The following ARHGEF10 variants were observed in gnomAD, a reference collection of about 807,000 sequenced individuals.
The protein encoded by ARHGEF10 is Rho guanine nucleotide exchange factor 10, also known as Rho guanine nucleotide exchange factor (GEF) 10.
ARHGEF10 carries 140 observed loss-of-function variants against 147.4 expected under a neutral mutation model. That is an observed-to-expected ratio of 0.95 (90% CI 0.83 to 1.09). The LOEUF is 1.09. Ranked by LOEUF, ARHGEF10 falls within the 50% of genes least tolerant of loss-of-function variation. The pLI is 0.00. For synonymous variants in ARHGEF10, 902 were observed against 695.8 expected (o/e 1.30, Z -4.67); for missense variants, 2,222 against 1,752.7 (o/e 1.27, Z -4.78).
At chr8:1,869,145 C>G in intron 6 of ARHGEF10, 49 bp from the exon 7 acceptor site, 5 of 1,533,364 alleles carry the variant, frequency 3.3e-6, no homozygotes, top group Non-Finnish European at 4.5e-6. Context: ...TTAAATTGCA[C>G]TAGGTTTTGT....
intron 4 of ARHGEF10, 105 bp downstream of exon 4, chr8:1,860,289 G>C (rs1321957945): frequency 6.7e-7 from 1 of 1,500,550 alleles, no homozygotes; most frequent in Non-Finnish European, 9.1e-7. Context: ...CCCGGATGTG[G>C]CCTGTGGTTC....
At position 1,923,615 on chromosome 8, in the gene ARHGEF10, CG is replaced by C. The variant is rs1812462981; in HGVS notation, c.2387+21del. 1.2e-6 allele frequency: 2 copies of C among 1,614,018 alleles called. No individual in the cohort carries two copies. The highest frequency in any genetic ancestry group is 2.7e-5 in the African/African-American group (2 of 74,920). On this transcript the variant is annotated intron_variant, in intron 20 of 28. Coordinates refer to ENST00000349830, the MANE Select transcript of ARHGEF10 (RefSeq NM_014629.4). ...GGACAAGTTAGTAGTAGCTTTAAAACGAAACCTTCTTGGCCAATGCTGGGGA... is the reference window on the plus strand; with the variant it reads ...GGACAAGTTAGTAGTAGCTTTAAAACAAACCTTCTTGGCCAATGCTGGGGA...
At chr8:1,916,100 C>T (rs13257421) in intron 18 of ARHGEF10, among the ~76,000 whole-genome samples, 4,284 of 152,320 alleles carry the variant, frequency 0.028, 94 homozygotes, top group Non-Finnish European at 0.042. Flanking sequence ...GAGAAGACTC[C>T]CTCAGGAAAG....
intron 1 of ARHGEF10, among the ~76,000 whole-genome samples, chr8:1,834,076 C>G (rs1803434680): frequency 6.6e-6 from 1 of 152,206 alleles, no homozygotes. Context: ...ACGCAGCTGT[C>G]TGGACACCAC....
At chr8:1,863,634 G>A (rs1346181210) in intron 4 of ARHGEF10, among the ~76,000 whole-genome samples, 7 of 152,144 alleles carry the variant, frequency 4.6e-5, no homozygotes, top group Non-Finnish European at 4.4e-5. Context: ...ACAGACTCTG[G>A]CTGGCTTCTG....
chr8:1,953,448 A>G (rs17683365), intron 28 of ARHGEF10, among the ~76,000 whole-genome samples: 46,823 of 152,206 alleles, frequency 0.31, 8,047 homozygotes, highest in East Asian at 0.58. Flanking sequence ...TGCTATTGCA[A>G]TGTCAGTAAG....
At chr8:1,910,806 G>A (rs1363569557) in intron 18 of ARHGEF10, among the ~76,000 whole-genome samples, 2 of 152,122 alleles carry the variant, frequency 1.3e-5, no homozygotes, top group African/African-American at 4.8e-5. Context: ...ATTTTATAAT[G>A]CTAGCAATCT....
Position 1,864,428 on chromosome 8 carries a change from T to G in ARHGEF10, c.537T>G (p.Pro179=), listed in dbSNP as rs1321374841. 1.2e-6 allele frequency: 2 copies of G among 1,613,990 alleles called. No individual in the cohort carries two copies. Among genetic ancestry groups the G allele is most frequent in the Non-Finnish European group, 1.7e-6 (2 of 1,179,868 alleles). ...RQPNSLSSEE[P]PTSEDQVGRE... ...CCAATTCTCTGAGTTCCGAGGAGCC[T>G]CCAACCAGGTATCTGCATCCGTCTT... The change falls in exon 5 of 29, where the codon CCT becomes CCG. Residue 179 remains proline, a synonymous_variant. Transcript: ENST00000349830.
chr8:1,950,236 C>G (rs963964181), intron 27 of ARHGEF10, among the ~76,000 whole-genome samples: 1 of 152,228 alleles, frequency 6.6e-6, no homozygotes, highest in Non-Finnish European at 1.5e-5. Context: ...CTGGGACACG[C>G]CCTGCTGTCC....
At chr8:1,887,790 T>G (rs1808817769) in intron 11 of ARHGEF10, among the ~76,000 whole-genome samples, 2 of 114,676 alleles carry the variant, frequency 1.7e-5, no homozygotes, top group South Asian at 3.0e-4. Context: ...AGACAGTGAG[T>G]GGAGTAAGGG....
At chr8:1,882,469 T>C (rs931029961) in intron 9 of ARHGEF10, among the ~76,000 whole-genome samples, 166 bp from the exon 10 acceptor site, 1 of 152,140 alleles carries the variant, frequency 6.6e-6, no homozygotes, top group Non-Finnish European at 1.5e-5. Context: ...TGTTTTTTCC[T>C]TTTTTCCAAC....
intron 27 of ARHGEF10, among the ~76,000 whole-genome samples, chr8:1,946,277 C>T (rs913204018): frequency 6.6e-6 from 1 of 152,204 alleles, no homozygotes; most frequent in African/African-American, 2.4e-5. Flanking sequence ...TCTTTGCCTG[C>T]TGGTGGGTAT....
chr8:1,938,597 T>G (rs1813813974), intron 26 of ARHGEF10, among the ~76,000 whole-genome samples: 1 of 152,158 alleles, frequency 6.6e-6, no homozygotes, highest in Non-Finnish European at 1.5e-5. Flanking sequence ...TTTTTTCTCA[T>G]AGGAAGTTAA....
chr8:1,929,676 C>T (rs998544783), intron 25 of ARHGEF10, among the ~76,000 whole-genome samples: 14 of 152,354 alleles, frequency 9.2e-5, no homozygotes, highest in Admixed American at 9.1e-4. Context: ...CTCCCACCCT[C>T]CCACTTCTCT....
intron 22 of ARHGEF10, among the ~76,000 whole-genome samples, chr8:1,925,972 C>A (rs964763970): frequency 6.6e-6 from 1 of 152,188 alleles, no homozygotes; most frequent in African/African-American, 2.4e-5. Context: ...GCTCCCCTGA[C>A]CCCTCCTGTT....
intron 18 of ARHGEF10, among the ~76,000 whole-genome samples, chr8:1,919,028 G>C (rs938541221): frequency 6.6e-6 from 1 of 150,914 alleles, no homozygotes; most frequent in African/African-American, 2.4e-5. Flanking sequence ...TGTGGATATG[G>C]AGCTGTTCTG....
rs546195415 is a variant in ARHGEF10 at position 1,948,157 on chromosome 8, C to T, written c.3397+2502C>T. Among the ~76,000 whole-genome samples the T allele has an allele frequency of 4.6e-5, 7 of 152,234 alleles. No individual in the cohort carries two copies. Among genetic ancestry groups the T allele is most frequent in the African/African-American group, 1.2e-4 (5 of 41,548 alleles). ...CCACCACAAGCCTCTCACTTGGCAG[C>T]AGATGCATGGGGCTCTGCAGAGCCA... On this transcript the variant is annotated intron_variant, in intron 27 of 28. Transcript: ENST00000349830. The surrounding 1 kb of genome is among the most constrained non-coding windows in gnomAD (Gnocchi z 4.9).
chr8:1,919,772 T>C (rs1451792830), intron 18 of ARHGEF10, among the ~76,000 whole-genome samples: 2 of 150,116 alleles, frequency 1.3e-5, no homozygotes, highest in Non-Finnish European at 3.0e-5. Flanking sequence ...ATGGAGCTGT[T>C]CTATGGGTGA....
intron 25 of ARHGEF10, among the ~76,000 whole-genome samples, chr8:1,933,302 A>G (rs796792544): frequency 2.5e-4 from 38 of 152,298 alleles, no homozygotes; most frequent in African/African-American, 9.1e-4. Flanking sequence ...ACATCTGCCC[A>G]GTTATTTTGG....
Sources: allele counts gnomAD v4.1 joint callset (sites outside exome capture counted in the v4.1 genomes callset), GRCh38; gene constraint gnomAD v4.1.1; non-coding constraint Gnocchi (gnomAD v3.1); transcripts MANE v1.5; gene names NCBI Gene and HGNC (gene_info 2026-07-23, HGNC 2026-07-21).